Variants in BANK1 observed in about 807,000 individuals in gnomAD.
BANK1 encodes the protein B-cell scaffold protein with ankyrin repeats.
Under a neutral mutation model 94.5 loss-of-function variants are expected in BANK1, and 95 were observed. The ratio of observed to expected loss-of-function variants is 1.00; its 90% CI spans 0.85 to 1.19. BANK1 has a LOEUF of 1.19. Among genes scored for constraint, BANK1 ranks in the 50% most tolerant of loss-of-function variants. The pLI is 0.00. For synonymous variants in BANK1, 334 were observed against 308.4 expected (o/e 1.08, Z -0.87); for missense variants, 987 against 932.2 (o/e 1.06, Z -0.77).
chr4:101,859,504 GCT>G (rs1727794698), intron 3 of BANK1, among the ~76,000 whole-genome samples: 1 of 152,168 alleles, frequency 6.6e-6, no homozygotes, highest in African/African-American at 2.4e-5. Flanking sequence ...TTCCCTGAAT[GCT>G]CTGACCTAAA....
intron 2 of BANK1, among the ~76,000 whole-genome samples, chr4:101,836,985 A>G (rs1232403590): frequency 6.6e-6 from 1 of 152,136 alleles, no homozygotes; most frequent in East Asian, 1.9e-4. Flanking sequence ...ACAGTCTACT[A>G]CTAGAACCTC....
intron 7 of BANK1, among the ~76,000 whole-genome samples, chr4:101,949,748 A>T (rs186607294): frequency 6.6e-6 from 1 of 152,270 alleles, no homozygotes; most frequent in East Asian, 1.9e-4. Flanking sequence ...TGTTAGATTT[A>T]AAAATATAGG....
intron 5 of BANK1, among the ~76,000 whole-genome samples, chr4:101,881,831 C>A (rs974256382): frequency 6.6e-6 from 1 of 151,830 alleles, no homozygotes; most frequent in African/African-American, 2.4e-5. Context: ...AGACAAACAT[C>A]GCATGTTCTC....
intron 2 of BANK1, among the ~76,000 whole-genome samples, chr4:101,849,864 T>TA (rs1183284797): frequency 2.0e-5 from 3 of 152,222 alleles, no homozygotes; most frequent in Non-Finnish European, 4.4e-5. Context: ...ATGGCTCTGT[T>TA]ACTTTATTCC....
chr4:101,945,531 A>G (rs922761703), intron 7 of BANK1, among the ~76,000 whole-genome samples: 1 of 151,984 alleles, frequency 6.6e-6, no homozygotes, highest in Admixed American at 6.6e-5. Context: ...TAACTATTTC[A>G]AGTAAAAAAT....
At chr4:101,895,271 C>A in intron 5 of BANK1, 34 bp from the exon 6 acceptor site, 4 of 1,219,924 alleles carry the variant, frequency 3.3e-6, no homozygotes, top group Non-Finnish European at 4.6e-6. Context: ...AAATAATTAA[C>A]CTAGTGAAAA....
intron 2 of BANK1, among the ~76,000 whole-genome samples, chr4:101,840,126 G>T (rs370150812): frequency 6.8e-6 from 1 of 147,462 alleles, no homozygotes; most frequent in Non-Finnish European, 1.5e-5. Context: ...CCGCCACTAC[G>T]CCCGGCTAAT....
intron 8 of BANK1, among the ~76,000 whole-genome samples, chr4:102,023,524 G>A (rs1189304556): frequency 6.6e-6 from 1 of 152,110 alleles, no homozygotes; most frequent in Non-Finnish European, 1.5e-5. Flanking sequence ...TCTTGTATAT[G>A]AAACTGTGTG....
intron 7 of BANK1, among the ~76,000 whole-genome samples, chr4:101,991,620 G>A (rs1158586812): frequency 6.6e-6 from 1 of 152,146 alleles, no homozygotes; most frequent in Non-Finnish European, 1.5e-5. Flanking sequence ...TGACCTTGTG[G>A]AACTGTATCT....
chr4:102,007,081 A>ATATATTT (rs1726295811), intron 7 of BANK1, among the ~76,000 whole-genome samples: 13 of 64,900 alleles, frequency 2.0e-4, no homozygotes, highest in Non-Finnish European at 2.8e-4. Flanking sequence ...TATATATATA[A>ATATATTT]ATATATATAT....
At position 102,043,887 on chromosome 4, in the gene BANK1, G is replaced by A. The variant is rs770093257; in HGVS notation, c.1949G>A (p.Cys650Tyr). The A allele has an allele frequency of 6.6e-5, 106 of 1,595,568 alleles. No homozygotes were observed. Among genetic ancestry groups the A allele is most frequent in the Middle Eastern group, 3.3e-4 (2 of 5,982 alleles). ...ARRQSDDDKF[C>Y]GLPKKQDRAR... ...AGACAATCTGATGATGACAAGTTCT[G>A]TGGTCTTCCTAAGAAACAAGGTACT... The change falls in exon 11 of 17, where the codon TGT becomes TAT. Residue 650 changes from cysteine (C) to tyrosine (Y), a missense_variant. Transcript: ENST00000322953.
At chr4:102,013,909 T>C (rs1726605282) in intron 7 of BANK1, among the ~76,000 whole-genome samples, 1 of 152,110 alleles carries the variant, frequency 6.6e-6, no homozygotes, top group African/African-American at 2.4e-5. Context: ...TCGAGTGTTT[T>C]CTATGTACAA....
In BANK1 at chr4:102,008,643, G is replaced by A. The variant is rs151003643; in HGVS notation, c.1207-12871G>A. 4.4e-3 allele frequency among the ~76,000 whole-genome samples: 675 copies of A among 152,218 alleles called. 7 individuals are homozygous for A. The highest frequency in any genetic ancestry group is 0.015 in the African/African-American group (642 of 41,540). On this transcript the variant is annotated intron_variant, in intron 7 of 16. Coordinates refer to ENST00000322953, the MANE Select transcript of BANK1 (RefSeq NM_017935.5). Reference sequence around the variant, plus strand: ...GCACATTTTAGTTCTGTCCTACCAAGGAGAAACAGCCCATTAAGTTATCAA... The same window carrying A: ...GCACATTTTAGTTCTGTCCTACCAAAGAGAAACAGCCCATTAAGTTATCAA...
At chr4:101,941,440 T>A (rs889939435) in intron 7 of BANK1, among the ~76,000 whole-genome samples, 1 of 151,802 alleles carries the variant, frequency 6.6e-6, no homozygotes, top group Non-Finnish European at 1.5e-5. Flanking sequence ...TATGTGTTTT[T>A]CATTCAGTTT....
At chr4:101,931,844 G>A (rs1560638675) in intron 7 of BANK1, among the ~76,000 whole-genome samples, 3 of 151,438 alleles carry the variant, frequency 2.0e-5, no homozygotes. Flanking sequence ...GGCTGGAGAT[G>A]AAGTGAGAGA....
intron 7 of BANK1, among the ~76,000 whole-genome samples, chr4:102,002,559 A>G (rs1470682220): frequency 6.7e-6 from 1 of 149,984 alleles, no homozygotes; most frequent in African/African-American, 2.4e-5. Flanking sequence ...ACACACACAC[A>G]CACACACACA....
intron 2 of BANK1, among the ~76,000 whole-genome samples, chr4:101,836,035 G>A (rs926429075): frequency 1.3e-5 from 2 of 151,570 alleles, no homozygotes; most frequent in East Asian, 3.9e-4. Context: ...ATGTCATATC[G>A]TTTCTGCTTG....
At chr4:101,905,543 C>A (rs1310210571) in intron 6 of BANK1, among the ~76,000 whole-genome samples, 1 of 152,048 alleles carries the variant, frequency 6.6e-6, no homozygotes, top group Non-Finnish European at 1.5e-5. Context: ...TTCTTTTTTC[C>A]CTATCTGGCG....
intron 2 of BANK1, among the ~76,000 whole-genome samples, chr4:101,836,271 A>C (rs1726822940): frequency 6.6e-6 from 1 of 152,138 alleles, no homozygotes; most frequent in Non-Finnish European, 1.5e-5. Flanking sequence ...ACTTGAGGTC[A>C]GGAGTCGAGA....
Sources: allele counts gnomAD v4.1 joint callset (sites outside exome capture counted in the v4.1 genomes callset), GRCh38; gene constraint gnomAD v4.1.1; transcripts MANE v1.5; gene names NCBI Gene and HGNC (gene_info 2026-07-23, HGNC 2026-07-21).